Variants in MINDY4 observed in about 807,000 individuals in gnomAD.
MINDY4 encodes MINDY lysine 48 deubiquitinase 4.
Under a neutral mutation model 87.0 loss-of-function variants are expected in MINDY4, and 68 were observed. The ratio of observed to expected loss-of-function variants is 0.78; its 90% CI spans 0.64 to 0.96. The LOEUF is 0.96. MINDY4 is among the 40% of genes least tolerant of loss of function. MINDY4 has a pLI of 0.00. For missense variants in MINDY4, 919 were observed against 928.2 expected, an observed-to-expected ratio of 0.99 and a Z score of 0.13; for synonymous variants, 379 against 363.2, an observed-to-expected ratio of 1.04 and a Z score of -0.50.
intron 7 of MINDY4, among the ~76,000 whole-genome samples, chr7:30,838,320 G>A (rs896136171): frequency 6.6e-6 from 1 of 152,176 alleles, no homozygotes; most frequent in Non-Finnish European, 1.5e-5. Context: ...TAGAGGGGCT[G>A]CCTTGAGAGG....
chr7:30,819,382 A>T (rs1056181046), intron 5 of MINDY4, among the ~76,000 whole-genome samples: 1 of 152,172 alleles, frequency 6.6e-6, no homozygotes, highest in Admixed American at 6.5e-5. Flanking sequence ...TCAGAAACAC[A>T]GTTTGGAATT....
intron 7 of MINDY4, among the ~76,000 whole-genome samples, chr7:30,837,421 C>A (rs564071628): frequency 7.2e-5 from 11 of 152,230 alleles, no homozygotes; most frequent in Non-Finnish European, 1.6e-4. Flanking sequence ...CCTAGGGACA[C>A]AGCTGACTTC....
intron 12 of MINDY4, chr7:30,857,979 A>T (rs1789627894): frequency 6.6e-6 from 1 of 152,500 alleles, no homozygotes; most frequent in African/African-American, 2.4e-5. Context: ...CCAAGGCAAA[A>T]ATGTAAACAT....
At chr7:30,825,365 G>A (rs1788467067) in intron 5 of MINDY4, among the ~76,000 whole-genome samples, 1 of 152,212 alleles carries the variant, frequency 6.6e-6, no homozygotes, top group South Asian at 2.1e-4. Context: ...TGTGCTGATG[G>A]ATGGCCCTCT....
rs143150521 is a variant in MINDY4, at chr7:30,850,160, C to T, written c.1446-294C>T. Among the ~76,000 whole-genome samples, 399 of 152,322 alleles carry T rather than the reference C, an allele frequency of 2.6e-3. 1 individual carries two copies. Among genetic ancestry groups the T allele is most frequent in the African/African-American group, 9.1e-3 (377 of 41,574 alleles). ...GCACTTTCTCTCACACACTTCTGGG[C>T]CCCACCAAGCCTGCAGAGCCCTCTT... is the stretch of plus-strand genomic sequence containing the variant. On this transcript the variant is annotated intron_variant, in intron 9 of 17. Transcript: ENST00000265299.
chr7:30,887,329 G>A (rs1790663126), intron 17 of MINDY4, among the ~76,000 whole-genome samples: 1 of 152,202 alleles, frequency 6.6e-6, no homozygotes, highest in Non-Finnish European at 1.5e-5. Flanking sequence ...CAGTCATCAA[G>A]CTGTGTGAGC....
Position 30,785,959 on chromosome 7 carries a change from C to A in MINDY4, c.630C>A (p.Gly210=), listed in dbSNP as rs12672184. 0.041 allele frequency: 65,977 copies of A among 1,614,154 alleles called. 2,556 individuals are homozygous for A. The highest frequency in any genetic ancestry group is 0.19 in the East Asian group (8,600 of 44,872). ...CAAAGTCTGGTCTGATTGTGCGAGG[C>A]ATGATGTCTGGGCCCATCGCCAGCT... ...SRPKSGLIVR[G]MMSGPIASSP... The change falls in exon 4 of 18, where the codon GGC becomes GGA. Residue 210 remains glycine, a synonymous_variant. Coordinates refer to ENST00000265299, the MANE Select transcript of MINDY4 (RefSeq NM_032222.3).
chr7:30,847,659 T>G (rs192819261), intron 9 of MINDY4, among the ~76,000 whole-genome samples: 1 of 152,340 alleles, frequency 6.6e-6, no homozygotes, highest in Admixed American at 6.5e-5. Flanking sequence ...TGAAATAACA[T>G]GGAAAGAGTT....
chr7:30,796,159 TC>T (rs1202389540), intron 5 of MINDY4, among the ~76,000 whole-genome samples: 1 of 152,014 alleles, frequency 6.6e-6, no homozygotes, highest in Non-Finnish European at 1.5e-5. Context: ...TTTAAAATAT[TC>T]ATCTACTCTC....
chr7:30,805,457 A>G (rs1226742838), intron 5 of MINDY4, among the ~76,000 whole-genome samples: 3 of 152,194 alleles, frequency 2.0e-5, no homozygotes, highest in African/African-American at 7.2e-5. Context: ...CTGAAAGCTG[A>G]ATTCCTTGGA....
rs542049831 is a variant in MINDY4 at position 30,788,292 on chromosome 7, A to G, written c.663+2300A>G. Among the ~76,000 whole-genome samples, 9 of 152,346 alleles carry G rather than the reference A, an allele frequency of 5.9e-5. No homozygotes were observed. The South Asian group carries it at 8.3e-4, about 14-fold the overall frequency. ...ACAAGTTGTAGTTTCTTAATGTGAA[A>G]TCTTAAACCATATCAGTGAACTTTT... On this transcript the variant is annotated intron_variant, in intron 4 of 17. Coordinates refer to ENST00000265299, the MANE Select transcript of MINDY4 (RefSeq NM_032222.3).
intron 9 of MINDY4, among the ~76,000 whole-genome samples, chr7:30,849,737 C>G (rs561217095): frequency 1.3e-5 from 2 of 152,216 alleles, no homozygotes; most frequent in Non-Finnish European, 2.9e-5. Flanking sequence ...CCCAGCTGCT[C>G]TCTTGGGCTT....
At chr7:30,836,626 G>T in intron 6 of MINDY4, 32 bp from the exon 7 acceptor site, 1 of 1,553,676 alleles carries the variant, frequency 6.4e-7, no homozygotes, top group Non-Finnish European at 8.9e-7. Flanking sequence ...GAGTCATAAC[G>T]AAGGGCTCAC....
At chr7:30,834,959 C>T (rs1212818619) in intron 6 of MINDY4, among the ~76,000 whole-genome samples, 1 of 152,220 alleles carries the variant, frequency 6.6e-6, no homozygotes, top group East Asian at 1.9e-4. Context: ...AGCCATTCAA[C>T]ATGTCTCTAG....
chr7:30,778,599 C>T (rs985282218), intron 2 of MINDY4, 48 bp downstream of exon 2: 24 of 1,610,562 alleles, frequency 1.5e-5, no homozygotes, highest in African/African-American at 5.3e-5. Context: ...CTGAGTTTGG[C>T]ACTGCCAAAG....
At chr7:30,883,429 A>G (rs3823767) in intron 17 of MINDY4, among the ~76,000 whole-genome samples, 54,583 of 152,034 alleles carry the variant, frequency 0.36, 15,198 homozygotes, top group African/African-American at 0.77. Flanking sequence ...GCCTGGAGCG[A>G]CACCCTCTGC....
chr7:30,811,539 C>T (rs1298701479), intron 5 of MINDY4, among the ~76,000 whole-genome samples: 2 of 152,210 alleles, frequency 1.3e-5, no homozygotes, highest in African/African-American at 4.8e-5. Context: ...GACCACCCCT[C>T]ATATTGTCTT....
At chr7:30,797,162 C>T (rs1451345551) in intron 5 of MINDY4, among the ~76,000 whole-genome samples, 2 of 152,204 alleles carry the variant, frequency 1.3e-5, no homozygotes, top group African/African-American at 2.4e-5. Context: ...CAGTTGTTAA[C>T]ATTTACCAGC....
At chr7:30,822,424 G>A (rs1788362959) in intron 5 of MINDY4, among the ~76,000 whole-genome samples, 1 of 152,066 alleles carries the variant, frequency 6.6e-6, no homozygotes, top group South Asian at 2.1e-4. Flanking sequence ...TCCTGCCTCA[G>A]CCTCCTAAAG....
Sources: gnomAD v4.1 joint callset for allele counts (sites outside exome capture counted in the v4.1 genomes callset) on GRCh38, gnomAD v4.1.1 for gene constraint, MANE v1.5 for transcripts, NCBI Gene and HGNC (gene_info 2026-07-23, HGNC 2026-07-21) for gene names.